Variants in KIAA0040 observed in about 807,000 individuals in gnomAD.
KIAA0040 encodes uncharacterized protein KIAA0040.
A neutral mutation model predicts 7.2 loss-of-function variants in KIAA0040; 10 were observed. The ratio of observed to expected loss-of-function variants is 1.38; its 90% CI spans 0.85 to 2.34. The LOEUF is 2.34. KIAA0040 is among the 30% of genes most tolerant of loss of function. The probability of loss-of-function intolerance (pLI) is 0.00; values close to 1 mark genes in which losing one functional copy is unlikely to be tolerated. For missense variants in KIAA0040, 89 were observed against 108.2 expected, an observed-to-expected ratio of 0.82 and a Z score of 0.79; for synonymous variants, 49 against 40.1, an observed-to-expected ratio of 1.22 and a Z score of -0.84.
intron 1 of KIAA0040, among the ~76,000 whole-genome samples, chr1:175,189,818 C>T (rs1677802482): frequency 6.7e-6 from 1 of 148,480 alleles, no homozygotes; most frequent in African/African-American, 2.5e-5. Context: ...TAATAATTAT[C>T]CCCATTTTAA....
intron 1 of KIAA0040, among the ~76,000 whole-genome samples, chr1:175,182,084 G>C (rs1677462835): frequency 6.6e-6 from 1 of 152,194 alleles, no homozygotes; most frequent in South Asian, 2.1e-4. Context: ...GGCTGCTCCT[G>C]ATGTTCTCTC....
At chr1:175,169,674 T>G (rs1676908196) in intron 2 of KIAA0040, among the ~76,000 whole-genome samples, 1 of 152,208 alleles carries the variant, frequency 6.6e-6, no homozygotes, top group South Asian at 2.1e-4. Context: ...TTTCCTGTGG[T>G]AGACTAAATT....
chr1:175,179,591 A>AT (rs879330470), intron 1 of KIAA0040, among the ~76,000 whole-genome samples: 70 of 152,338 alleles, frequency 4.6e-4, no homozygotes, highest in African/African-American at 1.5e-3. Flanking sequence ...GGGGTGAGGG[A>AT]TAAAAACAGG....
At chr1:175,189,783 T>C (rs1314675460) in intron 1 of KIAA0040, among the ~76,000 whole-genome samples, 1 of 152,258 alleles carries the variant, frequency 6.6e-6, no homozygotes, top group Non-Finnish European at 1.5e-5. Flanking sequence ...AATTTGATTC[T>C]GATTCTAACC....
rs1676424462 is a variant in KIAA0040 at position 175,159,238 on chromosome 1, ACT to A, written c.*1474_*1475del. On this transcript the variant is annotated 3_prime_UTR_variant, in exon 4 of 4. Transcript: ENST00000423313. ...TGGATTAACTCTGCTTCCCAACCTC[ACT>A]CTGGCGGGGAAAGCCCTCCTCAGCT... 1 of 152,108 alleles carries A rather than the reference ACT, an allele frequency of 6.6e-6. No homozygotes were observed. Among genetic ancestry groups the A allele is most frequent in the Admixed American group, 6.6e-5 (1 of 15,266 alleles). The allele number at this position is 152,108 out of a possible 1,614,324, so 9.4% of individuals were successfully genotyped here. A position where few individuals can be genotyped will look rare whatever the true frequency, so the allele number is the denominator to read the frequency against.
chr1:175,170,862 C>A (rs1218373488), intron 2 of KIAA0040, among the ~76,000 whole-genome samples: 1 of 150,536 alleles, frequency 6.6e-6, no homozygotes, highest in Non-Finnish European at 1.5e-5. Flanking sequence ...TCATGGCTTC[C>A]CGTCACTAGA....
At position 175,157,976 on chromosome 1, in the gene KIAA0040, G is replaced by C. The variant is rs1345073209; in HGVS notation, c.*2738C>G. Reference sequence around the variant, plus strand: ...ACAGAGGCTGGAAGGAGTGAAAATGGAGAGGAATAAAGGGCTGGGGCTGGT... The same window carrying C: ...ACAGAGGCTGGAAGGAGTGAAAATGCAGAGGAATAAAGGGCTGGGGCTGGT... On this transcript the variant is annotated 3_prime_UTR_variant, in exon 4 of 4. Transcript: ENST00000423313. The C allele has an allele frequency of 1.3e-5, 2 of 152,406 alleles. No individual in the cohort carries two copies. The highest frequency in any genetic ancestry group is 2.9e-5 in the Non-Finnish European group (2 of 68,188). 9.4% of individuals were successfully genotyped at this position (152,406 alleles called of 1,614,324 possible).
intron 2 of KIAA0040, among the ~76,000 whole-genome samples, chr1:175,175,330 C>T (rs1351130013): frequency 6.6e-6 from 1 of 151,448 alleles, no homozygotes; most frequent in Non-Finnish European, 1.5e-5. Context: ...AATGAGATAC[C>T]ATCTCACACC....
intron 1 of KIAA0040, among the ~76,000 whole-genome samples, chr1:175,189,283 C>A (rs1677779382): frequency 6.6e-6 from 1 of 152,198 alleles, no homozygotes; most frequent in Admixed American, 6.5e-5. Flanking sequence ...AAGTCATTGA[C>A]TAATGCTCAG....
Position 175,160,915 on chromosome 1 carries a change from C to A in KIAA0040, c.99G>T (p.Leu33=), listed in dbSNP as rs1279228516. ...TGATGATCACCAAGAGTGGCAGGCC[C>A]AGGAGGACTCCCAGGCAGATGGTGT... ...IYNTICLGVL[L]GLPLLVIITL... is the part of the protein sequence containing the mutation. The change falls in exon 4 of 4, where the codon CTG becomes CTT. Residue 33 remains leucine (L), a synonymous_variant. Coordinates refer to ENST00000423313, the MANE Select transcript of KIAA0040 (RefSeq NM_014656.3). 1 of 1,551,536 alleles carries A rather than the reference C, an allele frequency of 6.4e-7. No individual in the cohort carries two copies. Among genetic ancestry groups the A allele is most frequent in the Middle Eastern group, 1.7e-4 (1 of 5,954 alleles).
rs1676469804 is a variant in KIAA0040 at position 175,160,113 on chromosome 1, A to G, written c.*601T>C. The G allele has an allele frequency of 6.5e-6, 1 of 154,114 alleles. No individual in the cohort carries two copies. The highest frequency in any genetic ancestry group is 6.5e-5 in the Admixed American group (1 of 15,306). The allele number at this position is 154,114 out of a possible 1,614,324, so 9.5% of individuals were successfully genotyped here. On this transcript the variant is annotated 3_prime_UTR_variant, in exon 4 of 4. Transcript: ENST00000423313. Reference sequence around the variant, plus strand: ...ATGTCCAATTATGAGTACTTCCAGTAAAAGTTTATGTGTAGAGTTAGAAAT... The same window carrying G: ...ATGTCCAATTATGAGTACTTCCAGTGAAAGTTTATGTGTAGAGTTAGAAAT...
chr1:175,167,541 G>A (rs1459259013), intron 2 of KIAA0040, among the ~76,000 whole-genome samples: 1 of 152,206 alleles, frequency 6.6e-6, no homozygotes, highest in Non-Finnish European at 1.5e-5. Context: ...TAAGCCACGT[G>A]GAGGGCTAGA....
At chr1:175,182,965 T>C (rs1442773708) in intron 1 of KIAA0040, among the ~76,000 whole-genome samples, 1 of 152,188 alleles carries the variant, frequency 6.6e-6, no homozygotes, top group Non-Finnish European at 1.5e-5. Context: ...TGATGAATCC[T>C]GTGTGCATGA....
chr1:175,167,428 C>T (rs1571192733), intron 2 of KIAA0040, among the ~76,000 whole-genome samples: 1 of 152,172 alleles, frequency 6.6e-6, no homozygotes, highest in Non-Finnish European at 1.5e-5. Flanking sequence ...CCATTGCTGT[C>T]CCTGAAAAGG....
rs12060971 is a variant in KIAA0040 at position 175,188,343 on chromosome 1, C to T, written c.-384+4297G>A. 4.7e-3 allele frequency among the ~76,000 whole-genome samples: 722 copies of T among 152,274 alleles called. 2 individuals are homozygous for T. Among genetic ancestry groups the T allele is most frequent in the African/African-American group, 0.017 (688 of 41,558 alleles). On this transcript the variant is annotated intron_variant, in intron 1 of 3. Transcript: ENST00000423313. ...GTTCAGATGGCTCAGACTGATGTGG[C>T]GGAAAAGCTAGAAACCTGGCCTGGG...
intron 1 of KIAA0040, among the ~76,000 whole-genome samples, chr1:175,180,469 T>C (rs988206156): frequency 6.6e-6 from 1 of 152,208 alleles, no homozygotes; most frequent in Non-Finnish European, 1.5e-5. Flanking sequence ...CACACTACTT[T>C]AGGTTCACAC....
chr1:175,174,802 C>CATATATAT (rs3835506), intron 2 of KIAA0040, among the ~76,000 whole-genome samples: 15 of 144,582 alleles, frequency 1.0e-4, no homozygotes, highest in African/African-American at 2.7e-4. Flanking sequence ...TCTGTATATA[C>CATATATAT]ATATATATAT....
At chr1:175,164,133 G>C (rs1035672206) in intron 3 of KIAA0040, among the ~76,000 whole-genome samples, 1 of 152,158 alleles carries the variant, frequency 6.6e-6, no homozygotes, top group Admixed American at 6.5e-5. Flanking sequence ...TAGGGTTTGC[G>C]TTTATTTGGA....
intron 1 of KIAA0040, among the ~76,000 whole-genome samples, chr1:175,184,228 G>A (rs1453994437): frequency 6.6e-6 from 1 of 152,188 alleles, no homozygotes; most frequent in African/African-American, 2.4e-5. Context: ...CATACGCTAG[G>A]AGTCTTTGAA....
Sources: allele counts gnomAD v4.1 joint callset (sites outside exome capture counted in the v4.1 genomes callset), GRCh38; gene constraint gnomAD v4.1.1; transcripts MANE v1.5; gene names NCBI Gene and HGNC (gene_info 2026-07-23, HGNC 2026-07-21).